CCL1: variants seen among roughly 807,000 people sequenced by gnomAD.
CCL1 encodes the protein C-C motif chemokine ligand 1.
CCL1 carries 9 observed loss-of-function variants against 7.5 expected under a neutral mutation model. The observed-to-expected ratio is 1.20, with a 90% confidence interval of 0.72 to 2.09. The LOEUF is 2.09. Among genes scored for constraint, CCL1 ranks in the 30% most tolerant of loss-of-function variants. The probability of loss-of-function intolerance (pLI) is 0.00; values close to 1 mark genes in which losing one functional copy is unlikely to be tolerated. For missense variants in CCL1, 110 were observed against 113.7 expected, an observed-to-expected ratio of 0.97 and a Z score of 0.15; for synonymous variants, 48 against 44.7, an observed-to-expected ratio of 1.07 and a Z score of -0.30.
rs1910475031 is a variant in CCL1, at chr17:34,360,425, A to G, written c.*134T>C. ...TAATTTAAATGTTTAAAGTGCAACA[A>G]CATAGCTTATCAAGACCAAGCAGAT... On this transcript the variant is annotated 3_prime_UTR_variant, in exon 3 of 3. Coordinates refer to ENST00000225842, the MANE Select transcript of CCL1 (RefSeq NM_002981.2). The G allele has an allele frequency of 1.4e-6, 1 of 704,434 alleles. No individual in the cohort carries two copies. Among genetic ancestry groups the G allele is most frequent in the South Asian group, 1.6e-5 (1 of 61,298 alleles). The allele number at this position is 704,434 out of a possible 1,614,324, so 43.6% of individuals were successfully genotyped here. A position where few individuals can be genotyped will look rare whatever the true frequency, so the allele number is the denominator to read the frequency against.
At position 34,361,875 on chromosome 17, in the gene CCL1, C is replaced by T. The variant is rs1478533675; in HGVS notation, c.98G>A (p.Cys33Tyr). The change falls in exon 2 of 3, where the codon TGT becomes TAT. Residue 33 changes from cysteine (C) to tyrosine (Y), a missense_variant. Cys to Tyr is a radical substitution (Grantham distance 194). Coordinates refer to ENST00000225842, the MANE Select transcript of CCL1 (RefSeq NM_002981.2). Reference sequence around the variant, plus strand: ...CTCTTGCTCCGCAAATGAGAAGCAACATCTGGAGAAGGGTACCTGCACTAG... The same window carrying T: ...CTCTTGCTCCGCAAATGAGAAGCAATATCTGGAGAAGGGTACCTGCACTAG... ...SKSMQVPFSRCCFSFAEQEIP... is the reference protein window; with the variant it reads ...SKSMQVPFSRYCFSFAEQEIP... 1.9e-6 allele frequency: 3 copies of T among 1,611,620 alleles called. No individual in the cohort carries two copies. Among genetic ancestry groups the T allele is most frequent in the South Asian group, 2.2e-5 (2 of 91,028 alleles).
intron 2 of CCL1, among the ~76,000 whole-genome samples, chr17:34,361,238 A>C (rs1376952823): frequency 2.0e-5 from 3 of 152,176 alleles, no homozygotes; most frequent in African/African-American, 7.2e-5. Context: ...ATGTGCCCCA[A>C]GAGGATCGAC....
At chr17:34,362,477 C>T (rs192327735) in intron 1 of CCL1, among the ~76,000 whole-genome samples, 19 of 152,096 alleles carry the variant, frequency 1.2e-4, no homozygotes, top group African/African-American at 4.6e-4. Context: ...CTTTCCCAGC[C>T]CCCAACCCCC....
At chr17:34,361,977 A>C in intron 1 of CCL1, 81 bp from the exon 2 acceptor site, 2 of 924,834 alleles carry the variant, frequency 2.2e-6, no homozygotes, top group Non-Finnish European at 1.7e-6. Flanking sequence ...AACAAACAAA[A>C]AAACGCCTCC....
Position 34,360,476 on chromosome 17 carries a change from C to T in CCL1, c.*83G>A. On this transcript the variant is annotated 3_prime_UTR_variant, in exon 3 of 3. Transcript: ENST00000225842. Reference sequence around the variant, plus strand: ...CCTCTGTGACCTAGCAAAAGCAGGGCAGAAGGAATGGTGTAGGGCTGGTAG... The same window carrying T: ...CCTCTGTGACCTAGCAAAAGCAGGGTAGAAGGAATGGTGTAGGGCTGGTAG... The T allele has an allele frequency of 4.8e-6, 5 of 1,035,112 alleles. No homozygotes were observed. The highest frequency in any genetic ancestry group is 3.8e-5 in the South Asian group (3 of 78,848). 64.1% of individuals were successfully genotyped at this position (1,035,112 alleles called of 1,614,324 possible).
At chr17:34,361,070 G>GTA (rs1910493649) in intron 2 of CCL1, among the ~76,000 whole-genome samples, 2 of 151,838 alleles carry the variant, frequency 1.3e-5, no homozygotes, top group Non-Finnish European at 2.9e-5. Flanking sequence ...CGCGCGCCTT[G>GTA]TGTGTGTGTG....
intron 2 of CCL1, among the ~76,000 whole-genome samples, chr17:34,361,318 A>G (rs550882702): frequency 6.6e-6 from 1 of 152,200 alleles, no homozygotes; most frequent in Non-Finnish European, 1.5e-5. Flanking sequence ...TTAAGTTTGT[A>G]AAGACCCTGT....
chr17:34,363,129 CA>C lies in CCL1; in HGVS notation c.32del (p.Leu11CysfsTer3). 1 of 1,613,778 alleles carries C rather than the reference CA, an allele frequency of 6.2e-7. No individual in the cohort carries two copies. Among genetic ancestry groups the C allele is most frequent in the Non-Finnish European group, 8.5e-7 (1 of 1,180,030 alleles). The stretch of plus-strand genomic sequence containing the variant: ...CTTCCGGCCACATCCCAGCTAGCAG[CA>C]AGCACACCAGGGCTGTGGTGATGAT... MQIITTALVC[L>X]LLAGMWPEDV... On this transcript the variant is annotated frameshift_variant, in exon 1 of 3. Transcript: ENST00000225842. LOFTEE classifies it high-confidence loss of function.
In CCL1 at chr17:34,362,165, C is replaced by T. The variant is rs1910524614; in HGVS notation, c.77-269G>A. Among the ~76,000 whole-genome samples the T allele has an allele frequency of 1.3e-5, 2 of 152,136 alleles. 1 individual carries two copies. Among genetic ancestry groups the T allele is most frequent in the South Asian group, 4.1e-4 (2 of 4,824 alleles). On this transcript the variant is annotated intron_variant, in intron 1 of 2. Coordinates refer to ENST00000225842, the MANE Select transcript of CCL1 (RefSeq NM_002981.2). Reference sequence around the variant, plus strand: ...GTGCCTTCACCCTGGCCCCAGACTTCCCATCTGTAAAATAAAACTTTTTGG... The same window carrying T: ...GTGCCTTCACCCTGGCCCCAGACTTTCCATCTGTAAAATAAAACTTTTTGG...
Position 34,361,804 on chromosome 17 carries a change from A to G in CCL1, c.169T>C (p.Cys57Arg). 6.2e-7 allele frequency: 1 copy of G among 1,611,648 alleles called. No individual in the cohort carries two copies. Among genetic ancestry groups the G allele is most frequent in the Non-Finnish European group, 8.5e-7 (1 of 1,177,738 alleles). ...ILCYRNTSSI[C>R]SNEGLIFKLK... is the part of the protein sequence containing the mutation. ...ACTTACATTAAGCCCTCATTGGAGC[A>G]GATGGAGCTGGTATTTCTGTAACAC... The change falls in exon 2 of 3, where the codon TGC (cysteine) becomes CGC (arginine). Residue 57 changes from cysteine (C) to arginine (R), a missense_variant. Coordinates refer to ENST00000225842, the MANE Select transcript of CCL1 (RefSeq NM_002981.2).
At chr17:34,361,940 C>A in intron 1 of CCL1, 44 bp from the exon 2 acceptor site, 1 of 1,310,980 alleles carries the variant, frequency 7.6e-7, no homozygotes, top group Non-Finnish European at 1.1e-6. Context: ...ATTTCTCAAC[C>A]TCTCACCTGT....
intron 1 of CCL1, 56 bp from the exon 2 acceptor site, chr17:34,361,952 G>A: frequency 1.7e-6 from 2 of 1,163,824 alleles, no homozygotes; most frequent in Admixed American, 1.9e-5. Context: ...CTCACCTGTA[G>A]CACAATTTTT....
chr17:34,361,182 A>C (rs1910496890), intron 2 of CCL1, among the ~76,000 whole-genome samples: 1 of 152,174 alleles, frequency 6.6e-6, no homozygotes, highest in South Asian at 2.1e-4. Context: ...GATCTTAGAC[A>C]AATATCTCTA....
Position 34,361,853 on chromosome 17 carries a change from T to C in CCL1, c.120A>G (p.Gln40=). ...FSRCCFSFAE[Q]EIPLRAILCY... ...ACAGGATTGCCCTCAGGGGAATCTCTTGCTCCGCAAATGAGAAGCAACATC... is the reference window on the plus strand; with the variant it reads ...ACAGGATTGCCCTCAGGGGAATCTCCTGCTCCGCAAATGAGAAGCAACATC... The change falls in exon 2 of 3, where the codon CAA becomes CAG. Residue 40 remains glutamine (Q), a synonymous_variant. Coordinates refer to ENST00000225842, the MANE Select transcript of CCL1 (RefSeq NM_002981.2). 6.2e-7 allele frequency: 1 copy of C among 1,613,238 alleles called. No individual in the cohort carries two copies. The highest frequency in any genetic ancestry group is 8.5e-7 in the Non-Finnish European group (1 of 1,179,190).
intron 2 of CCL1, 130 bp downstream of exon 2, chr17:34,361,655 C>A: frequency 1.5e-6 from 1 of 663,200 alleles, no homozygotes; most frequent in Non-Finnish European, 2.7e-6. Context: ...GTGGCTTGCA[C>A]CCAGGTGCTG....
chr17:34,362,744 T>G, intron 1 of CCL1, among the ~76,000 whole-genome samples: 1 of 152,170 alleles, frequency 6.6e-6, no homozygotes, highest in East Asian at 1.9e-4. Flanking sequence ...CTGACTCTAC[T>G]TGGTGTCTGT....
In CCL1 at chr17:34,360,645, C is replaced by T. The variant is rs1241341090; in HGVS notation, c.205G>A (p.Gly69Ser). 6.2e-7 allele frequency: 1 copy of T among 1,613,088 alleles called. No homozygotes were observed. Among genetic ancestry groups the T allele is most frequent in the South Asian group, 1.1e-5 (1 of 91,026 alleles). ...GTGTCCAAGGCGCAGGCCTCTTTGC[C>T]TCTCTTCAGCTTGAATCTGTGAACA... The part of the protein sequence containing the change: ...NEGLIFKLKR[G>S]KEACALDTVG... The change falls in exon 3 of 3, where the codon GGC becomes AGC. Residue 69 changes from glycine (G) to serine (S), a missense_variant. By Grantham distance (56) the Gly-to-Ser change is moderately conservative. Transcript: ENST00000225842.
At chr17:34,362,839 TG>T (rs1182555993) in intron 1 of CCL1, among the ~76,000 whole-genome samples, 2 of 48,904 alleles carry the variant, frequency 4.1e-5, no homozygotes, top group African/African-American at 6.4e-5. Flanking sequence ...TTCCCTTCCT[TG>T]GGTCTGGATG....
intron 1 of CCL1, among the ~76,000 whole-genome samples, chr17:34,362,100 T>A (rs562411847): frequency 4.8e-4 from 73 of 152,314 alleles, no homozygotes; most frequent in African/African-American, 1.6e-3. Flanking sequence ...GGTTCAGATC[T>A]GAGCTCCCCG....
Sources: gnomAD v4.1 joint callset for allele counts (sites outside exome capture counted in the v4.1 genomes callset) on GRCh38, gnomAD v4.1.1 for gene constraint, MANE v1.5 for transcripts, NCBI Gene and HGNC (gene_info 2026-07-23, HGNC 2026-07-21) for gene names.